PARG: variants seen among roughly 807,000 people sequenced by gnomAD.
PARG encodes poly(ADP-ribose) glycohydrolase.
A neutral mutation model predicts 113.0 loss-of-function variants in PARG; 35 were observed. The ratio of observed to expected loss-of-function variants is 0.31; its 90% CI spans 0.24 to 0.41. The LOEUF is 0.41. Ranked by LOEUF, PARG falls within the 10% of genes least tolerant of loss-of-function variation. The pLI, the probability that PARG is intolerant of heterozygous loss-of-function variation, is 1.00. For missense variants in PARG, 797 were observed against 1,169.4 expected (o/e 0.68, Z 4.64); for synonymous variants, 330 against 409.9 (o/e 0.81, Z 2.36).
intron 6 of PARG, among the ~76,000 whole-genome samples, chr10:49,918,364 T>C (rs1377969081): frequency 6.6e-6 from 1 of 152,250 alleles, no homozygotes; most frequent in Non-Finnish European, 1.5e-5. Context: ...TTTAGTGTTT[T>C]ATAATTAGCA....
chr10:49,915,617 G>C (rs1474019956), intron 7 of PARG, among the ~76,000 whole-genome samples: 4 of 151,490 alleles, frequency 2.6e-5, no homozygotes, highest in African/African-American at 9.8e-5. Context: ...GATGCAACCT[G>C]TATGTTTGAG....
chr10:49,821,386 T>C (rs1844068530), intron 16 of PARG, among the ~76,000 whole-genome samples: 1 of 152,096 alleles, frequency 6.6e-6, no homozygotes, highest in Non-Finnish European at 1.5e-5. Context: ...AAAGAGGATA[T>C]ATATATTTTT....
At chr10:49,843,699 A>C in intron 13 of PARG, 67 bp from the exon 14 acceptor site, 1 of 1,040,796 alleles carries the variant, frequency 9.6e-7, no homozygotes, top group Non-Finnish European at 1.5e-6. Context: ...CTTTCATAAC[A>C]TGGCAAGAAT....
intron 4 of PARG, among the ~76,000 whole-genome samples, chr10:49,924,323 G>A (rs1473816379): frequency 6.6e-6 from 1 of 152,076 alleles, no homozygotes; most frequent in Non-Finnish European, 1.5e-5. Flanking sequence ...GTGGTAGTAT[G>A]TATGAGTACT....
In PARG at chr10:49,821,824, T is replaced by A. The variant is rs187697452; in HGVS notation, c.2648-1531A>T. 1.8e-3 allele frequency among the ~76,000 whole-genome samples: 271 copies of A among 151,972 alleles called. 1 individual carries two copies. In the Middle Eastern group the frequency reaches 0.024, roughly 13 times the overall value. On this transcript the variant is annotated intron_variant, in intron 16 of 17. Coordinates refer to ENST00000616448, the MANE Select transcript of PARG (RefSeq NM_003631.5). ...CTAAAATAAATGAGCGTAATTTTAG[T>A]CCAAATAAATAACATAACCACATTG...
At chr10:49,834,234 C>A (rs1844807484) in intron 15 of PARG, among the ~76,000 whole-genome samples, 1 of 152,094 alleles carries the variant, frequency 6.6e-6, no homozygotes, top group African/African-American at 2.4e-5. Context: ...CATTAACGAA[C>A]AAGGGAAAAA....
chr10:49,858,265 CTCATGAAGCAGTATGTAAGAAATAGCA>C (rs1477956005), intron 12 of PARG, among the ~76,000 whole-genome samples: 2 of 130,424 alleles, frequency 1.5e-5, no homozygotes, highest in African/African-American at 5.9e-5. Flanking sequence ...CTATGCCAGC[CTCATGAAGCAGTATGTAAGAAATAGCA>C]ACCATCTTTT....
In PARG at chr10:49,839,687, C is replaced by CA. The variant is rs567491270; in HGVS notation, c.2541+2262dup. Among the ~76,000 whole-genome samples, 5 of 152,244 alleles carry CA rather than the reference C, an allele frequency of 3.3e-5. No homozygotes were observed. In the South Asian group the frequency reaches 1.0e-3, roughly 32 times the overall value. On this transcript the variant is annotated intron_variant, in intron 15 of 17. Transcript: ENST00000616448. ...GGCAATTTTAAAAAAGACTTATGCC[C>CA]AAAGTTACCTTCTTAAAAGATCATA...
chr10:49,839,306 C>T (rs1283549408), intron 15 of PARG, among the ~76,000 whole-genome samples: 1 of 150,988 alleles, frequency 6.6e-6, no homozygotes, highest in African/African-American at 2.4e-5. Flanking sequence ...CATTGTACTC[C>T]AGCCAGGGCA....
At chr10:49,939,301 A>G (rs1838899978) in intron 1 of PARG, among the ~76,000 whole-genome samples, 1 of 152,214 alleles carries the variant, frequency 6.6e-6, no homozygotes, top group African/African-American at 2.4e-5. Context: ...TCTTGCAACT[A>G]GTCTCCCTGT....
At chr10:49,916,429 T>A (rs1837474832) in intron 6 of PARG, among the ~76,000 whole-genome samples, 1 of 152,114 alleles carries the variant, frequency 6.6e-6, no homozygotes, top group Non-Finnish European at 1.5e-5. Context: ...GAGGCATAAA[T>A]TTTTTTGTAA....
chr10:49,882,716 T>G (rs1274131385), intron 8 of PARG, among the ~76,000 whole-genome samples: 11 of 147,966 alleles, frequency 7.4e-5, no homozygotes, highest in Non-Finnish European at 1.5e-4. Flanking sequence ...CTATTATTGA[T>G]TATGAACTAC....
At chr10:49,898,971 T>C (rs1414732647) in intron 7 of PARG, among the ~76,000 whole-genome samples, 2 of 152,230 alleles carry the variant, frequency 1.3e-5, no homozygotes, top group African/African-American at 4.8e-5. Context: ...GAAGCTCCTT[T>C]AAGACAAGAT....
chr10:49,820,220 C>A lies in PARG; in HGVS notation c.2721G>T (p.Leu907Phe), dbSNP rs1467686986. The change falls in exon 17 of 18, where the codon TTG becomes TTT. Residue 907 changes from leucine to phenylalanine, a missense_variant. Transcript: ENST00000616448. ...TGTGCATGCTGTAAATGTCTCTCAT[C>A]AATTCTGAGTCCCCAAAGGTGAAAT... is the stretch of plus-strand genomic sequence containing the variant. Reference protein sequence around the residue: ...VVYFTFGDSELMRDIYSMHIF... With the variant: ...VVYFTFGDSEFMRDIYSMHIF... The A allele has an allele frequency of 6.5e-7, 1 of 1,544,998 alleles. No individual in the cohort carries two copies. Among genetic ancestry groups the A allele is most frequent in the Admixed American group, 2.0e-5 (1 of 50,988 alleles).
At chr10:49,855,121 G>A (rs1845926370) in intron 13 of PARG, among the ~76,000 whole-genome samples, 2 of 149,220 alleles carry the variant, frequency 1.3e-5, no homozygotes. Context: ...TAAAGTATAA[G>A]AATGATGCCT....
rs572148783 is a variant in PARG at position 49,882,531 on chromosome 10, A to C, written c.1830+2672T>G. ...AATGGAGAAGAAAGTCACTGGGAGAAGCCAGGACAAAAAGCTGAGGACTCA... is the reference window on the plus strand; with the variant it reads ...AATGGAGAAGAAAGTCACTGGGAGACGCCAGGACAAAAAGCTGAGGACTCA... On this transcript the variant is annotated intron_variant, in intron 8 of 17. Transcript: ENST00000616448. Among the ~76,000 whole-genome samples the C allele has an allele frequency of 3.5e-4, 54 of 152,348 alleles. 1 individual carries two copies. Among genetic ancestry groups the C allele is most frequent in the Middle Eastern group, 6.8e-3 (2 of 294 alleles).
intron 6 of PARG, among the ~76,000 whole-genome samples, chr10:49,917,841 A>AG (rs1379551463): frequency 2.0e-5 from 3 of 151,452 alleles, no homozygotes; most frequent in African/African-American, 4.9e-5. Context: ...AAAGAAAGAA[A>AG]AAAAAAATTA....
At chr10:49,920,604 G>GTATATA (rs1413302928) in intron 6 of PARG, among the ~76,000 whole-genome samples, 1 of 133,026 alleles carries the variant, frequency 7.5e-6, no homozygotes, top group African/African-American at 2.9e-5. Flanking sequence ...ACATATATAC[G>GTATATA]TACATATATA....
rs782496691 is a variant in PARG, at chr10:49,885,177, C to A, written c.1830+26G>T. On this transcript the variant is annotated intron_variant, in intron 8 of 17. Coordinates refer to ENST00000616448, the MANE Select transcript of PARG (RefSeq NM_003631.5). Reference sequence around the variant, plus strand: ...AATTCAATTGGCAGTCTCAGGGAAGCTACTGAGGAAGCTACATCCACTAAC... The same window carrying A: ...AATTCAATTGGCAGTCTCAGGGAAGATACTGAGGAAGCTACATCCACTAAC... The A allele has an allele frequency of 3.3e-6, 4 of 1,211,410 alleles. No individual in the cohort carries two copies. In the South Asian group the frequency reaches 4.8e-5, roughly 15 times the overall value. The allele number at this position is 1,211,410 out of a possible 1,614,324, so 75.0% of individuals were successfully genotyped here. A position where few individuals can be genotyped will look rare whatever the true frequency, so the allele number is the denominator to read the frequency against.
Sources: gnomAD v4.1 joint callset for allele counts (sites outside exome capture counted in the v4.1 genomes callset) on GRCh38, gnomAD v4.1.1 for gene constraint, MANE v1.5 for transcripts, NCBI Gene and HGNC (gene_info 2026-07-23, HGNC 2026-07-21) for gene names.